Variants in PITPNC1 observed in about 807,000 individuals in gnomAD.
The protein encoded by PITPNC1 is phosphatidylinositol transfer protein cytoplasmic 1, also known as cytoplasmic phosphatidylinositol transfer protein 1.
Under a neutral mutation model 44.7 loss-of-function variants are expected in PITPNC1, and 18 were observed. The ratio of observed to expected loss-of-function variants is 0.40; its 90% CI spans 0.28 to 0.60. PITPNC1 has a LOEUF of 0.60. Ranked by LOEUF, PITPNC1 falls within the 20% of genes least tolerant of loss-of-function variation. The pLI is 0.39. For synonymous variants in PITPNC1, 141 were observed against 149.6 expected (o/e 0.94, Z 0.42); for missense variants, 290 against 418.4 (o/e 0.69, Z 2.68).
chr17:67,477,890 T>G (rs538125011), intron 1 of PITPNC1, among the ~76,000 whole-genome samples: 174 of 152,240 alleles, frequency 1.1e-3, no homozygotes, highest in African/African-American at 4.0e-3. Context: ...TCCACAGCCC[T>G]TGATTTCTGG....
chr17:67,627,490 A>G (rs1167282300), intron 5 of PITPNC1, among the ~76,000 whole-genome samples: 2 of 152,350 alleles, frequency 1.3e-5, no homozygotes, highest in Non-Finnish European at 2.9e-5. Flanking sequence ...GGTGGCTTCT[A>G]CTGCAGCCTT....
intron 1 of PITPNC1, among the ~76,000 whole-genome samples, chr17:67,427,386 G>C (rs191883856): frequency 9.2e-5 from 14 of 151,896 alleles, no homozygotes; most frequent in African/African-American, 1.9e-4. Flanking sequence ...AATTTTTTTT[G>C]TATTTTTAGT....
intron 1 of PITPNC1, 96 bp from the exon 2 acceptor site, chr17:67,532,706 G>T: frequency 1.1e-6 from 1 of 946,538 alleles, no homozygotes. Context: ...AGCAGAAGGT[G>T]CTGATGTTAT....
rs2042739652 is a variant in PITPNC1 at position 67,682,989 on chromosome 17, G to A, written c.682+7447G>A. Among the ~76,000 whole-genome samples the A allele has an allele frequency of 2.6e-5, 4 of 151,806 alleles. No homozygotes were observed. In the South Asian group the frequency reaches 6.2e-4, roughly 24 times the overall value. Reference sequence around the variant, plus strand: ...AGCCTGGCCAACATGGTGAAACCCCGTCACTACTAAAAATACAAAAATTAG... The same window carrying A: ...AGCCTGGCCAACATGGTGAAACCCCATCACTACTAAAAATACAAAAATTAG... On this transcript the variant is annotated intron_variant, in intron 8 of 8. Coordinates refer to ENST00000581322, the MANE Select transcript of PITPNC1 (RefSeq NM_012417.4).
chr17:67,595,604 C>T (rs2041450579), intron 5 of PITPNC1, among the ~76,000 whole-genome samples: 1 of 152,184 alleles, frequency 6.6e-6, no homozygotes, highest in South Asian at 2.1e-4. Flanking sequence ...TACTTGTACA[C>T]AGGGCTCTGC....
intron 1 of PITPNC1, among the ~76,000 whole-genome samples, chr17:67,487,978 C>G (rs2039806042): frequency 6.6e-6 from 1 of 152,196 alleles, no homozygotes; most frequent in South Asian, 2.1e-4. Flanking sequence ...CTGTCTGTCA[C>G]AGAGGTGTCA....
At chr17:67,558,943 A>C (rs1193556711) in intron 4 of PITPNC1, among the ~76,000 whole-genome samples, 1 of 152,178 alleles carries the variant, frequency 6.6e-6, no homozygotes, top group Non-Finnish European at 1.5e-5. Flanking sequence ...CACAGCTGAG[A>C]GTCTGTCATC....
intron 4 of PITPNC1, among the ~76,000 whole-genome samples, chr17:67,561,388 G>A (rs900400749): frequency 2.0e-5 from 3 of 151,938 alleles, no homozygotes; most frequent in Admixed American, 6.6e-5. Context: ...CCTGGGATGC[G>A]GAGGTTGCAA....
At chr17:67,462,225 C>T (rs867052580) in intron 1 of PITPNC1, among the ~76,000 whole-genome samples, 929 of 71,018 alleles carry the variant, frequency 0.013, no homozygotes, top group African/African-American at 0.044. Flanking sequence ...TTCTTTCTTT[C>T]TTTTTTTTTT....
intron 1 of PITPNC1, among the ~76,000 whole-genome samples, chr17:67,513,390 TATCTATATCTATATCTAC>T (rs1314621252): frequency 4.8e-5 from 7 of 146,274 alleles, no homozygotes; most frequent in Non-Finnish European, 9.0e-5. Flanking sequence ...TCTATATCTA[TATCTATATCTATATCTAC>T]ATCTACATAT....
At chr17:67,494,183 CTT>C (rs113078260) in intron 1 of PITPNC1, among the ~76,000 whole-genome samples, 5,895 of 39,020 alleles carry the variant, frequency 0.15, 325 homozygotes, top group South Asian at 0.21. Context: ...TTCTTTCTTT[CTT>C]TTTCTTTCTT....
intron 4 of PITPNC1, among the ~76,000 whole-genome samples, chr17:67,568,822 A>G (rs187957721): frequency 4.3e-4 from 65 of 152,346 alleles, no homozygotes; most frequent in Non-Finnish European, 1.3e-4. Flanking sequence ...TTAGAAATAC[A>G]CTGTCATAGA....
chr17:67,668,963 A>G (rs947843939), intron 6 of PITPNC1, among the ~76,000 whole-genome samples: 4 of 152,222 alleles, frequency 2.6e-5, no homozygotes, highest in African/African-American at 4.8e-5. Flanking sequence ...TCGCATATGC[A>G]CAAGGTTGTG....
At chr17:67,397,693 C>T (rs1296134183) in intron 1 of PITPNC1, among the ~76,000 whole-genome samples, 3 of 152,172 alleles carry the variant, frequency 2.0e-5, no homozygotes, top group Non-Finnish European at 2.9e-5. Context: ...TCAAGACACA[C>T]GTTTGGGTGT....
intron 1 of PITPNC1, among the ~76,000 whole-genome samples, chr17:67,493,790 T>C (rs1240237358): frequency 6.6e-6 from 1 of 152,212 alleles, no homozygotes; most frequent in Non-Finnish European, 1.5e-5. Flanking sequence ...CTGATAAGCC[T>C]TCTTTTTCCC....
chr17:67,435,860 C>T (rs2038930805), intron 1 of PITPNC1, among the ~76,000 whole-genome samples: 2 of 151,970 alleles, frequency 1.3e-5, no homozygotes. Context: ...TACCACCGCA[C>T]CCTCCCCGCC....
intron 1 of PITPNC1, among the ~76,000 whole-genome samples, chr17:67,473,997 A>G (rs902320971): frequency 6.6e-5 from 10 of 152,210 alleles, no homozygotes; most frequent in African/African-American, 2.4e-4. Flanking sequence ...TGGACTCACA[A>G]GTACTTATTT....
chr17:67,654,247 C>G (rs2042239679), intron 6 of PITPNC1, among the ~76,000 whole-genome samples: 1 of 152,212 alleles, frequency 6.6e-6, no homozygotes, highest in Non-Finnish European at 1.5e-5. Flanking sequence ...ATTCCTCCAA[C>G]CACCATACTT....
intron 1 of PITPNC1, among the ~76,000 whole-genome samples, chr17:67,523,259 T>A (rs2040351004): frequency 6.6e-6 from 1 of 152,226 alleles, no homozygotes; most frequent in South Asian, 2.1e-4. Flanking sequence ...AATTTTTACA[T>A]AAGGAAAAGA....
Sources: gnomAD v4.1 joint callset for allele counts (sites outside exome capture counted in the v4.1 genomes callset) on GRCh38, gnomAD v4.1.1 for gene constraint, MANE v1.5 for transcripts, NCBI Gene and HGNC (gene_info 2026-07-23, HGNC 2026-07-21) for gene names.